Variants in RSPH9 observed in about 807,000 individuals in gnomAD.
The protein encoded by RSPH9 is radial spoke head component 9, also known as radial spoke head protein 9 homolog.
Under a neutral mutation model 27.0 loss-of-function variants are expected in RSPH9, and 27 were observed. The observed-to-expected ratio is 1.00, with a 90% CI of 0.74 to 1.38. The LOEUF (loss-of-function observed/expected upper bound fraction) is 1.38, where lower values mean the gene tolerates loss of function less well. Among genes scored for constraint, RSPH9 ranks in the 40% most tolerant of loss-of-function variants. The pLI, the probability that RSPH9 is intolerant of heterozygous loss-of-function variation, is 0.00. For synonymous variants in RSPH9, 145 were observed against 147.7 expected (o/e 0.98, Z 0.13); for missense variants, 347 against 357.4 (o/e 0.97, Z 0.24).
chr6:43,650,264 C>A, intron 1 of RSPH9, 111 bp from the exon 2 acceptor site: 1 of 1,283,932 alleles, frequency 7.8e-7, no homozygotes, highest in Non-Finnish European at 1.1e-6. Flanking sequence ...GGAAAGGTGG[C>A]CATTTCAACA....
At chr6:43,656,021 C>G (rs1449907191) in intron 3 of RSPH9, among the ~76,000 whole-genome samples, 1 of 132,822 alleles carries the variant, frequency 7.5e-6, no homozygotes, top group Non-Finnish European at 1.5e-5. Context: ...TCCTTCCTTC[C>G]TTCCTTCCTT....
intron 2 of RSPH9, among the ~76,000 whole-genome samples, chr6:43,654,500 C>A (rs896762575): frequency 1.3e-5 from 2 of 152,078 alleles, no homozygotes; most frequent in Non-Finnish European, 2.9e-5. Context: ...TCAGCCTGGG[C>A]AACATGGAGA....
At chr6:43,659,835 C>T (rs1772429938) in intron 4 of RSPH9, among the ~76,000 whole-genome samples, 2 of 151,848 alleles carry the variant, frequency 1.3e-5, no homozygotes, top group Middle Eastern at 3.4e-3. Context: ...CGGGTTCACG[C>T]CATTCTCCTG....
At chr6:43,670,625 A>G (rs1773618284) in intron 4 of RSPH9, among the ~76,000 whole-genome samples, 164 bp from the exon 5 acceptor site, 1 of 152,228 alleles carries the variant, frequency 6.6e-6, no homozygotes, top group South Asian at 2.1e-4. Context: ...AATAATGGCT[A>G]AAAGACAATC....
intron 4 of RSPH9, among the ~76,000 whole-genome samples, chr6:43,665,134 T>C (rs1582396351): frequency 3.3e-5 from 5 of 152,226 alleles, no homozygotes; most frequent in Admixed American, 6.5e-5. Flanking sequence ...CCTCATCCAC[T>C]GTGCAGCAAG....
intron 4 of RSPH9, among the ~76,000 whole-genome samples, chr6:43,658,245 T>G (rs912963626): frequency 4.3e-5 from 6 of 138,452 alleles, no homozygotes; most frequent in African/African-American, 1.1e-4. Flanking sequence ...GAGCTGAGAT[T>G]GCGCCACTGC....
At chr6:43,664,203 G>GTGATGA (rs201263407) in intron 4 of RSPH9, among the ~76,000 whole-genome samples, 10 of 151,990 alleles carry the variant, frequency 6.6e-5, no homozygotes, top group Admixed American at 6.6e-5. Context: ...AAGTAAACCT[G>GTGATGA]TGATGATGAT....
chr6:43,646,338 G>A (rs1770863062), intron 1 of RSPH9, among the ~76,000 whole-genome samples: 1 of 151,588 alleles, frequency 6.6e-6, no homozygotes, highest in Admixed American at 6.6e-5. Flanking sequence ...GTTTCACCGT[G>A]TTAGCTAGGA....
chr6:43,667,970 A>G (rs559423319), intron 4 of RSPH9, among the ~76,000 whole-genome samples: 1 of 152,208 alleles, frequency 6.6e-6, no homozygotes, highest in South Asian at 2.1e-4. Flanking sequence ...TGAGGTTTCC[A>G]TACTAGCAAG....
chr6:43,662,205 A>G (rs928029840), intron 4 of RSPH9, among the ~76,000 whole-genome samples: 2 of 152,272 alleles, frequency 1.3e-5, no homozygotes, highest in African/African-American at 4.8e-5. Flanking sequence ...TTAGCTTCCA[A>G]CATTTCTTCT....
In RSPH9 at chr6:43,671,759, C is replaced by CT. The variant is rs1773708698; in HGVS notation, c.*811dup. On this transcript the variant is annotated 3_prime_UTR_variant, in exon 5 of 5. Coordinates refer to ENST00000372163, the MANE Select transcript of RSPH9 (RefSeq NM_152732.5). ...GGAGGAACTCTGGAAGCACTGCTCT[C>CT]TGTCAGTGATACAGCTTCCAAGGTG... 1 of 1,614,196 alleles carries CT rather than the reference C, an allele frequency of 6.2e-7. No individual in the cohort carries two copies. The highest frequency in any genetic ancestry group is 8.5e-7 in the Non-Finnish European group (1 of 1,180,032).
chr6:43,662,548 T>C (rs949064906), intron 4 of RSPH9, among the ~76,000 whole-genome samples: 1 of 152,014 alleles, frequency 6.6e-6, no homozygotes, highest in Non-Finnish European at 1.5e-5. Flanking sequence ...TTGTATTTTT[T>C]AGTAGAGACG....
At position 43,662,940 on chromosome 6, in the gene RSPH9, C is replaced by T. The variant is rs140405612; in HGVS notation, c.670+6217C>T. On this transcript the variant is annotated intron_variant, in intron 4 of 4. Transcript: ENST00000372163. Reference sequence around the variant, plus strand: ...ACCTCTTGAGGAGTGCAACAGCACACGCAATAGGTGTGTGCACCATACCTG... The same window carrying T: ...ACCTCTTGAGGAGTGCAACAGCACATGCAATAGGTGTGTGCACCATACCTG... 4.2e-3 allele frequency among the ~76,000 whole-genome samples: 635 copies of T among 151,532 alleles called. 4 individuals carry two copies. Among genetic ancestry groups the T allele is most frequent in the African/African-American group, 0.014 (586 of 41,000 alleles).
intron 4 of RSPH9, among the ~76,000 whole-genome samples, chr6:43,668,945 A>G (rs1773424528): frequency 6.6e-6 from 1 of 152,124 alleles, no homozygotes. Flanking sequence ...TGGAGTTGGA[A>G]CACTCTGTCC....
intron 4 of RSPH9, among the ~76,000 whole-genome samples, chr6:43,658,351 C>A (rs1237044796): frequency 1.4e-5 from 2 of 146,176 alleles, no homozygotes; most frequent in African/African-American, 2.5e-5. Context: ...AGAGATATTG[C>A]AAATTTGGCT....
At chr6:43,666,550 T>C in intron 4 of RSPH9, 1 of 1,421,462 alleles carries the variant, frequency 7.0e-7, no homozygotes, top group Non-Finnish European at 9.7e-7. Context: ...TCTTGTCCCT[T>C]GGCCAAAGTG....
At chr6:43,654,094 G>A (rs1321911431) in intron 2 of RSPH9, among the ~76,000 whole-genome samples, 1 of 152,166 alleles carries the variant, frequency 6.6e-6, no homozygotes, top group Non-Finnish European at 1.5e-5. Flanking sequence ...AAAGACACTG[G>A]CCTCAGCACT....
At chr6:43,650,688 T>G in intron 2 of RSPH9, 148 bp downstream of exon 2, 1 of 782,138 alleles carries the variant, frequency 1.3e-6, no homozygotes, top group Non-Finnish European at 2.1e-6. Context: ...GGGTGGATCA[T>G]GAGGTCAGGA....
chr6:43,666,528 A>G, intron 4 of RSPH9: 1 of 1,529,150 alleles, frequency 6.5e-7, no homozygotes, highest in Non-Finnish European at 8.9e-7. Context: ...GAGGTAGGCC[A>G]ACGACTCCGC....
Sources: allele counts gnomAD v4.1 joint callset (sites outside exome capture counted in the v4.1 genomes callset), GRCh38; gene constraint gnomAD v4.1.1; transcripts MANE v1.5; gene names NCBI Gene and HGNC (gene_info 2026-07-23, HGNC 2026-07-21).